ARFGEF1: variants seen among roughly 807,000 people sequenced by gnomAD.
The protein encoded by ARFGEF1 is brefeldin A-inhibited guanine nucleotide-exchange protein 1.
In ARFGEF1, 42 loss-of-function variants were observed where a neutral mutation model predicts 231.0. That is an observed-to-expected ratio of 0.18 (90% CI 0.14 to 0.24). The LOEUF is 0.24. Ranked by LOEUF, ARFGEF1 falls within the 10% of genes least tolerant of loss-of-function variation. The probability of loss-of-function intolerance (pLI) is 1.00; values close to 1 mark genes in which losing one functional copy is unlikely to be tolerated. For synonymous variants in ARFGEF1, 710 were observed against 732.3 expected (o/e 0.97, Z 0.49); for missense variants, 1,345 against 2,192.0 (o/e 0.61, Z 7.72).
intron 9 of ARFGEF1, among the ~76,000 whole-genome samples, chr8:67,275,044 T>G (rs1306429446): frequency 6.6e-6 from 1 of 152,098 alleles, no homozygotes; most frequent in East Asian, 1.9e-4. Flanking sequence ...TTTCCACATA[T>G]GTATGAAGTT....
intron 9 of ARFGEF1, 78 bp downstream of exon 9, chr8:67,275,897 GA>G (rs1424704593): frequency 6.5e-6 from 10 of 1,548,478 alleles, no homozygotes; most frequent in Middle Eastern, 1.8e-4. Context: ...AAGAACAAAA[GA>G]AAATCCAAAC....
rs141500413 is a variant in ARFGEF1, at chr8:67,297,234, C to T, written c.460-624G>A. The stretch of plus-strand genomic sequence containing the variant: ...ATGCACAGCATGAAAGCTGTTACAG[C>T]AGAGCACAGATACGTCACATGAGAT... On this transcript the variant is annotated intron_variant, in intron 4 of 38. Coordinates refer to ENST00000262215, the MANE Select transcript of ARFGEF1 (RefSeq NM_006421.5). Among the ~76,000 whole-genome samples the T allele has an allele frequency of 9.8e-5, 15 of 152,288 alleles. 1 individual carries two copies. In the East Asian group the frequency reaches 1.5e-3, roughly 16 times the overall value.
chr8:67,251,273 A>T, intron 19 of ARFGEF1, 26 bp downstream of exon 19: 2 of 1,567,754 alleles, frequency 1.3e-6, no homozygotes, highest in Non-Finnish European at 1.7e-6. Context: ...GTACACTGCA[A>T]TCAAACATTA....
intron 19 of ARFGEF1, among the ~76,000 whole-genome samples, chr8:67,244,253 A>G (rs1314147679): frequency 7.6e-5 from 2 of 26,378 alleles, no homozygotes; most frequent in Non-Finnish European, 1.3e-4. Context: ...AAAAAAAAAA[A>G]AAAAAAAAAA....
At chr8:67,195,322 G>A (rs145624133), downstream of ARFGEF1, 380 of 1,018,116 alleles carry the variant, frequency 3.7e-4, 3 homozygotes, top group East Asian at 8.8e-3. Context: ...AGAGACCTGC[G>A]CTTATGTCTC....
chr8:67,198,674 G>A lies in ARFGEF1; in HGVS notation c.*260C>T, dbSNP rs1838199479. The A allele has an allele frequency of 1.7e-6, 2 of 1,172,134 alleles. No individual in the cohort carries two copies. The highest frequency in any genetic ancestry group is 2.5e-5 in the South Asian group (1 of 40,610). The allele number at this position is 1,172,134 out of a possible 1,614,324, so 72.6% of individuals were successfully genotyped here. A position where few individuals can be genotyped will look rare whatever the true frequency, so the allele number is the denominator to read the frequency against. On this transcript the variant is annotated 3_prime_UTR_variant, in exon 39 of 39. Coordinates refer to ENST00000262215, the MANE Select transcript of ARFGEF1 (RefSeq NM_006421.5). ...ACGTGGGGCTTTTCCTGCCGTGGAA[G>A]ACAGGGAAGGACCCGTGAGCATGAG...
intron 33 of ARFGEF1, among the ~76,000 whole-genome samples, chr8:67,213,781 C>T (rs553102421): frequency 3.9e-5 from 6 of 152,310 alleles, no homozygotes; most frequent in African/African-American, 1.4e-4. Flanking sequence ...GAAGAAATCC[C>T]GCCTGTGAAC....
chr8:67,324,915 C>CT (rs71249434), intron 1 of ARFGEF1, among the ~76,000 whole-genome samples: 47,710 of 143,432 alleles, frequency 0.33, 8,016 homozygotes, highest in African/African-American at 0.42. Flanking sequence ...AAAAAATCCA[C>CT]TTTTTTTTTT....
chr8:67,262,982 C>G (rs986413378), intron 14 of ARFGEF1, among the ~76,000 whole-genome samples: 1 of 152,166 alleles, frequency 6.6e-6, no homozygotes, highest in Non-Finnish European at 1.5e-5. Context: ...CCCTAAGGTA[C>G]TCCGAATATA....
intron 1 of ARFGEF1, among the ~76,000 whole-genome samples, chr8:67,320,011 A>G (rs1807506254): frequency 6.6e-6 from 1 of 152,050 alleles, no homozygotes; most frequent in African/African-American, 2.4e-5. Flanking sequence ...ACCTGAGGTC[A>G]GGATTTCGAG....
intron 6 of ARFGEF1, among the ~76,000 whole-genome samples, chr8:67,291,157 A>C (rs187334864): frequency 1.1e-3 from 164 of 152,160 alleles, no homozygotes; most frequent in African/African-American, 3.7e-3. Flanking sequence ...AACACCACCA[A>C]CTCCCTGGTA....
chr8:67,222,231 GTA>G (rs1563846586), intron 29 of ARFGEF1, among the ~76,000 whole-genome samples: 119 of 88,658 alleles, frequency 1.3e-3, no homozygotes, highest in African/African-American at 5.0e-3. Context: ...ATATGTATAT[GTA>G]TGTATGTATG....
chr8:67,215,297 A>T (rs555569368), intron 33 of ARFGEF1, among the ~76,000 whole-genome samples: 1 of 152,096 alleles, frequency 6.6e-6, no homozygotes, highest in South Asian at 2.1e-4. Flanking sequence ...ATGAGTTTAG[A>T]CTTTTGGGGA....
chr8:67,343,462 G>C lies in ARFGEF1; in HGVS notation c.-175C>G. On this transcript the variant is annotated 5_prime_UTR_variant, in exon 1 of 39. Coordinates refer to ENST00000262215, the MANE Select transcript of ARFGEF1 (RefSeq NM_006421.5). ...GGGCGGGCGAGCGGGACCAGCCGCG[G>C]TGTCGGCGAAGGGCGTCGAGGTCCT... 1 of 1,347,966 alleles carries C rather than the reference G, an allele frequency of 7.4e-7. No homozygotes were observed. Among genetic ancestry groups the C allele is most frequent in the Non-Finnish European group, 9.6e-7 (1 of 1,047,110 alleles). The allele number at this position is 1,347,966 out of a possible 1,614,324, so 83.5% of individuals were successfully genotyped here. A position where few individuals can be genotyped will look rare whatever the true frequency, so the allele number is the denominator to read the frequency against.
In ARFGEF1 at chr8:67,208,329, T is replaced by G. The variant is rs529557177; in HGVS notation, c.4819+3154A>C. On this transcript the variant is annotated intron_variant, in intron 34 of 38. Transcript: ENST00000262215. ...GGATCAACGACCTAAATCAAAGAGCTAGAAGAATAAAACTTCATAGGCCAG... is the reference window on the plus strand; with the variant it reads ...GGATCAACGACCTAAATCAAAGAGCGAGAAGAATAAAACTTCATAGGCCAG... Among the ~76,000 whole-genome samples the G allele has an allele frequency of 2.0e-5, 3 of 152,180 alleles. No homozygotes were observed. In the East Asian group the frequency reaches 5.8e-4, roughly 29 times the overall value.
rs1833535705 is a variant in ARFGEF1 at position 67,183,405 on chromosome 8, CA to C, written c.561-7834del. Among the ~76,000 whole-genome samples the C allele has an allele frequency of 2.0e-5, 3 of 152,270 alleles. No individual in the cohort carries two copies. The South Asian group carries it at 6.2e-4, about 32-fold the overall frequency. ...ACAGATTACAATCTGGGCAAGAAAA[CA>C]AACCTTAACAGATGTAAAAGAAGAT... On this transcript the variant is annotated intron_variant, in intron 5 of 5. Transcript: ENST00000518789.
downstream of ARFGEF1, chr8:67,195,973 A>AAAAG (rs1837862188): frequency 1.7e-5 from 3 of 176,316 alleles, no homozygotes; most frequent in Non-Finnish European, 3.7e-5. Flanking sequence ...ACCTCGATGC[A>AAAAG]AAAGAATTCA....
At chr8:67,311,453 G>A (rs1254637944) in intron 1 of ARFGEF1, among the ~76,000 whole-genome samples, 17 of 140,132 alleles carry the variant, frequency 1.2e-4, no homozygotes, top group Non-Finnish European at 2.0e-4. Context: ...CGCCCCATCA[G>A]GGAGGGAGGT....
chr8:67,195,190 G>A (rs984839213), downstream of ARFGEF1, among the ~76,000 whole-genome samples: 3 of 152,048 alleles, frequency 2.0e-5, no homozygotes, highest in Non-Finnish European at 2.9e-5. Context: ...TGGCCTTTGT[G>A]GGCCCACTCT....
Sources: gnomAD v4.1 joint callset for allele counts (sites outside exome capture counted in the v4.1 genomes callset) on GRCh38, gnomAD v4.1.1 for gene constraint, MANE v1.5 for transcripts, NCBI Gene and HGNC (gene_info 2026-07-23, HGNC 2026-07-21) for gene names.